Variants in HSD17B12 observed in about 807,000 individuals in gnomAD.
The protein encoded by HSD17B12 is hydroxysteroid 17-beta dehydrogenase 12.
A neutral mutation model predicts 39.3 loss-of-function variants in HSD17B12; 32 were observed. That is an observed-to-expected ratio of 0.81 (90% CI 0.61 to 1.09). The LOEUF (loss-of-function observed/expected upper bound fraction) is 1.09, where lower values mean the gene tolerates loss of function less well. Ranked by LOEUF, HSD17B12 falls within the 50% of genes least tolerant of loss-of-function variation. The pLI is 0.00. For missense variants in HSD17B12, 342 were observed against 382.9 expected, an observed-to-expected ratio of 0.89 and a Z score of 0.89; for synonymous variants, 150 against 146.7, an observed-to-expected ratio of 1.02 and a Z score of -0.16.
chr11:43,775,010 G>A (rs1950685664), intron 3 of HSD17B12, among the ~76,000 whole-genome samples: 1 of 152,218 alleles, frequency 6.6e-6, no homozygotes, highest in African/African-American at 2.4e-5. Flanking sequence ...AATCAGGTGA[G>A]CACTCTAAAA....
At chr11:43,844,334 T>A (rs1951454819) in intron 9 of HSD17B12, among the ~76,000 whole-genome samples, 1 of 152,192 alleles carries the variant, frequency 6.6e-6, no homozygotes, top group African/African-American at 2.4e-5. Context: ...TCATTTAAAA[T>A]TGCCTTCAAG....
At chr11:43,835,656 G>C (rs115572982) in intron 7 of HSD17B12, among the ~76,000 whole-genome samples, 4,102 of 152,218 alleles carry the variant, frequency 0.027, 190 homozygotes, top group African/African-American at 0.092. Context: ...CTTAGGTCGA[G>C]TGCATTCTTG....
chr11:43,611,082 G>A, the HSD17B12 span, among the ~76,000 whole-genome samples: 1 of 152,030 alleles, frequency 6.6e-6, no homozygotes, highest in Non-Finnish European at 1.5e-5. Context: ...CTATCTATTT[G>A]GTATATAGTA....
the HSD17B12 span, among the ~76,000 whole-genome samples, chr11:43,567,346 C>G: frequency 6.6e-6 from 1 of 152,140 alleles, no homozygotes; most frequent in East Asian, 1.9e-4. Context: ...GCCCAACTTG[C>G]AAATGGAGCC....
intron 4 of HSD17B12, among the ~76,000 whole-genome samples, chr11:43,799,029 T>G (rs1950941091): frequency 6.6e-6 from 1 of 152,172 alleles, no homozygotes; most frequent in African/African-American, 2.4e-5. Flanking sequence ...GGTAGTTATA[T>G]TGTAATAATC....
chr11:43,601,353 G>T, the HSD17B12 span, among the ~76,000 whole-genome samples: 18 of 151,778 alleles, frequency 1.2e-4, no homozygotes, highest in African/African-American at 4.3e-4. Context: ...TACTTGCATT[G>T]GTGTCATTCC....
the HSD17B12 span, among the ~76,000 whole-genome samples, chr11:43,672,407 G>T: frequency 6.6e-6 from 1 of 152,122 alleles, no homozygotes; most frequent in Non-Finnish European, 1.5e-5. Context: ...CTGCACTAAA[G>T]TAGTCCGTAT....
chr11:43,667,273 T>C, the HSD17B12 span, among the ~76,000 whole-genome samples: 1 of 152,156 alleles, frequency 6.6e-6, no homozygotes, highest in Admixed American at 6.5e-5. Context: ...TGCCTCAGCC[T>C]CCTAAGTAAC....
chr11:43,721,419 C>A (rs1356902214), intron 1 of HSD17B12, among the ~76,000 whole-genome samples: 2 of 152,000 alleles, frequency 1.3e-5, no homozygotes, highest in African/African-American at 4.8e-5. Context: ...GAGATCGAGA[C>A]CATCCTGGCT....
chr11:43,573,729 A>T, the HSD17B12 span, among the ~76,000 whole-genome samples: 1 of 152,240 alleles, frequency 6.6e-6, no homozygotes, highest in African/African-American at 2.4e-5. Context: ...TAGTTTCAAT[A>T]GTCCAAACAG....
At chr11:43,695,842 A>G (rs187417478) in intron 1 of HSD17B12, among the ~76,000 whole-genome samples, 2 of 152,310 alleles carry the variant, frequency 1.3e-5, no homozygotes, top group East Asian at 3.9e-4. Flanking sequence ...AAATAAATAC[A>G]TATATTTCTA....
At chr11:43,822,796 G>A (rs949267649) in intron 6 of HSD17B12, among the ~76,000 whole-genome samples, 2 of 152,130 alleles carry the variant, frequency 1.3e-5, no homozygotes, top group African/African-American at 4.8e-5. Context: ...AAACATACGT[G>A]TGCATGTGTC....
Position 43,775,250 on chromosome 11 carries a change from G to A in HSD17B12, c.283+21129G>A, listed in dbSNP as rs529412075. On this transcript the variant is annotated intron_variant, in intron 3 of 10. Transcript: ENST00000278353. ...CTAGCCTGATGAGACCATGAACAGCGGAGTCAATTACATTACAGAAACAGA... is the reference window on the plus strand; with the variant it reads ...CTAGCCTGATGAGACCATGAACAGCAGAGTCAATTACATTACAGAAACAGA... 5.9e-5 allele frequency among the ~76,000 whole-genome samples: 9 copies of A among 152,198 alleles called. No homozygotes were observed. The South Asian group carries it at 1.5e-3, about 25-fold the overall frequency.
chr11:43,559,604 C>T, the HSD17B12 span: 1 of 155,876 alleles, frequency 6.4e-6, no homozygotes, highest in African/African-American at 2.4e-5. Flanking sequence ...GGAAACAGAC[C>T]TTCTTCCTCT....
At chr11:43,676,543 T>C (rs1468862554), upstream of HSD17B12, among the ~76,000 whole-genome samples, 3 of 152,154 alleles carry the variant, frequency 2.0e-5, no homozygotes, top group Non-Finnish European at 4.4e-5. Flanking sequence ...AGGAAAGCAG[T>C]GGCCACTCCC....
chr11:43,718,964 G>A (rs1794103779), intron 1 of HSD17B12: 5 of 1,054,102 alleles, frequency 4.7e-6, no homozygotes, highest in East Asian at 4.7e-5. Flanking sequence ...CAACACACTT[G>A]TGTTCATTGT....
chr11:43,721,175 A>G (rs1336793951), intron 1 of HSD17B12, among the ~76,000 whole-genome samples: 2 of 151,916 alleles, frequency 1.3e-5, no homozygotes, highest in Non-Finnish European at 2.9e-5. Flanking sequence ...TGCACATGGA[A>G]GTGGAATAAA....
chr11:43,634,075 CAAAAAAAAAAAAAA>C, the HSD17B12 span, among the ~76,000 whole-genome samples: 37 of 37,566 alleles, frequency 9.8e-4, no homozygotes, highest in Middle Eastern at 0.031. Flanking sequence ...AACTCCATCT[CAAAAAAAAAAAAAA>C]AAAAAAAAAA....
intron 1 of HSD17B12, among the ~76,000 whole-genome samples, chr11:43,728,280 G>A (rs1436657894): frequency 1.3e-5 from 2 of 152,002 alleles, no homozygotes; most frequent in Non-Finnish European, 2.9e-5. Context: ...TGGCCGGGCT[G>A]GTCATGAACT....
Sources: gnomAD v4.1 joint callset for allele counts (sites outside exome capture counted in the v4.1 genomes callset) on GRCh38, gnomAD v4.1.1 for gene constraint, MANE v1.5 for transcripts, NCBI Gene and HGNC (gene_info 2026-07-23, HGNC 2026-07-21) for gene names.